Variants in UBXN7 observed in about 807,000 individuals in gnomAD.
UBXN7 encodes UBX domain-containing protein 7.
Under a neutral mutation model 58.0 loss-of-function variants are expected in UBXN7, and 9 were observed. That is an observed-to-expected ratio of 0.16 (90% confidence interval 0.09 to 0.27). The LOEUF is 0.27. Ranked by LOEUF, UBXN7 falls within the 10% of genes least tolerant of loss-of-function variation. The pLI is 1.00. For missense variants in UBXN7, 328 were observed against 599.6 expected, an observed-to-expected ratio of 0.55 and a Z score of 4.73; for synonymous variants, 208 against 205.0, an observed-to-expected ratio of 1.01 and a Z score of -0.12.
At chr3:196,404,314 G>A (rs1730090343) in intron 2 of UBXN7, among the ~76,000 whole-genome samples, 1 of 148,368 alleles carries the variant, frequency 6.7e-6, no homozygotes, top group Non-Finnish European at 1.5e-5. Flanking sequence ...CCAGGCTGGA[G>A]TGCAGTGGTA....
At chr3:196,356,972 T>G in intron 10 of UBXN7, 126 bp from the exon 11 acceptor site, 1 of 1,259,038 alleles carries the variant, frequency 7.9e-7, no homozygotes. Flanking sequence ...AGTTCTTCTT[T>G]CATATAACCA....
intron 5 of UBXN7, among the ~76,000 whole-genome samples, chr3:196,381,838 C>T (rs929321939): frequency 7.2e-5 from 11 of 152,230 alleles, no homozygotes; most frequent in East Asian, 1.9e-4. Context: ...AACTTCGTGA[C>T]GCTTGCATAA....
intron 7 of UBXN7, among the ~76,000 whole-genome samples, chr3:196,368,577 T>C (rs1321566283): frequency 6.6e-6 from 1 of 152,220 alleles, no homozygotes; most frequent in East Asian, 1.9e-4. Flanking sequence ...TTATGCTACA[T>C]AGTGTCTTCA....
intron 4 of UBXN7, among the ~76,000 whole-genome samples, 179 bp downstream of exon 4, chr3:196,393,375 C>CAAAT (rs1729643620): frequency 6.6e-6 from 1 of 152,084 alleles, no homozygotes; most frequent in African/African-American, 2.4e-5. Flanking sequence ...TTTCTATAAC[C>CAAAT]AAATAGGTTA....
chr3:196,422,429 A>G (rs1264254174), intron 1 of UBXN7, among the ~76,000 whole-genome samples: 1 of 151,930 alleles, frequency 6.6e-6, no homozygotes. Context: ...GCAGTGAGCT[A>G]TGATAACACG....
rs1275285632 is a variant in UBXN7, at chr3:196,350,721, T to C, written c.*5964A>G. The C allele has an allele frequency of 6.6e-6, 1 of 152,188 alleles. No homozygotes were observed. Among genetic ancestry groups the C allele is most frequent in the Non-Finnish European group, 1.5e-5 (1 of 68,020 alleles). The allele number at this position is 152,188 out of a possible 1,614,324, so 9.4% of individuals were successfully genotyped here. A position where few individuals can be genotyped will look rare whatever the true frequency, so the allele number is the denominator to read the frequency against. On this transcript the variant is annotated 3_prime_UTR_variant, in exon 11 of 11. Transcript: ENST00000296328. ...ACAGGTGAGTCAAAAACCATAACCA[T>C]CACTGAAATACCAAATCTCTATGTA...
At chr3:196,368,400 A>G (rs1200124558) in intron 7 of UBXN7, among the ~76,000 whole-genome samples, 1 of 152,166 alleles carries the variant, frequency 6.6e-6, no homozygotes, top group Non-Finnish European at 1.5e-5. Context: ...TATAAAGGTA[A>G]TATCTAGAAT....
Position 196,353,475 on chromosome 3 carries a change from C to CTAGTT in UBXN7, c.*3209_*3210insAACTA. 6.7e-6 allele frequency: 1 copy of CTAGTT among 149,874 alleles called. No homozygotes were observed. Among genetic ancestry groups the CTAGTT allele is most frequent in the South Asian group, 2.1e-4 (1 of 4,672 alleles). 9.3% of individuals were successfully genotyped at this position (149,874 alleles called of 1,614,324 possible). A position where few individuals can be genotyped will look rare whatever the true frequency, so the allele number is the denominator to read the frequency against. On this transcript the variant is annotated 3_prime_UTR_variant, in exon 11 of 11. Coordinates refer to ENST00000296328, the MANE Select transcript of UBXN7 (RefSeq NM_015562.2). ...CTCTCACTTTTTTCCCACTAGTTTT[C>CTAGTT]TTCTTCTTCTTCTTTTTTTTTTTTA...
At chr3:196,399,268 A>T (rs1277825479) in intron 3 of UBXN7, among the ~76,000 whole-genome samples, 1 of 152,188 alleles carries the variant, frequency 6.6e-6, no homozygotes, top group Non-Finnish European at 1.5e-5. Context: ...TTATTGCTTC[A>T]TCAAGAACAT....
intron 10 of UBXN7, among the ~76,000 whole-genome samples, chr3:196,358,679 T>C (rs1728418804): frequency 6.6e-6 from 1 of 152,094 alleles, no homozygotes; most frequent in South Asian, 2.1e-4. Flanking sequence ...AGGCAGAGGT[T>C]GCAGTGAGCT....
At chr3:196,421,752 G>C (rs561909820) in intron 1 of UBXN7, among the ~76,000 whole-genome samples, 1 of 151,714 alleles carries the variant, frequency 6.6e-6, no homozygotes, top group Non-Finnish European at 1.5e-5. Flanking sequence ...ACTCCACCCT[G>C]GCAACAAAGC....
intron 2 of UBXN7, among the ~76,000 whole-genome samples, chr3:196,403,668 T>C (rs1023170569): frequency 1.3e-5 from 2 of 152,064 alleles, no homozygotes; most frequent in African/African-American, 2.4e-5. Context: ...ATAGAAGCAA[T>C]ATCACATTAC....
At chr3:196,357,310 G>A (rs1728376105) in intron 10 of UBXN7, among the ~76,000 whole-genome samples, 1 of 151,992 alleles carries the variant, frequency 6.6e-6, no homozygotes, top group South Asian at 2.1e-4. Flanking sequence ...CTCCCTCTCT[G>A]CTTCCCATCA....
chr3:196,431,857 G>A (rs1731065289), intron 1 of UBXN7: 1 of 377,600 alleles, frequency 2.6e-6, no homozygotes, highest in South Asian at 1.9e-5. Context: ...CCCAGAAAGG[G>A]GAAGGGCAGG....
intron 10 of UBXN7, among the ~76,000 whole-genome samples, chr3:196,358,398 C>G (rs1728411084): frequency 6.6e-6 from 1 of 152,168 alleles, no homozygotes; most frequent in African/African-American, 2.4e-5. Flanking sequence ...CTGGAACATA[C>G]CTTACGTGGC....
chr3:196,385,440 G>A (rs1270652750), intron 5 of UBXN7, among the ~76,000 whole-genome samples: 1 of 152,004 alleles, frequency 6.6e-6, no homozygotes, highest in African/African-American at 2.4e-5. Flanking sequence ...TAGGAAGTGA[G>A]GAGCGCCTCT....
At chr3:196,383,736 G>C (rs148486211) in intron 5 of UBXN7, among the ~76,000 whole-genome samples, 100 of 152,306 alleles carry the variant, frequency 6.6e-4, no homozygotes, top group African/African-American at 2.2e-3. Flanking sequence ...AAATAATGAT[G>C]TTCTTTGAAA....
At chr3:196,402,639 G>A (rs1355818524) in intron 3 of UBXN7, among the ~76,000 whole-genome samples, 1 of 152,154 alleles carries the variant, frequency 6.6e-6, no homozygotes, top group Non-Finnish European at 1.5e-5. Flanking sequence ...TAGAGAGTAA[G>A]GATATGGCAG....
At chr3:196,372,178 AT>A in intron 5 of UBXN7, 136 bp from the exon 6 acceptor site, 1 of 896,408 alleles carries the variant, frequency 1.1e-6, no homozygotes, top group Non-Finnish European at 1.6e-6. Context: ...AGTTTTCAGC[AT>A]TTATACATTC....
Sources: gnomAD v4.1 joint callset for allele counts (sites outside exome capture counted in the v4.1 genomes callset) on GRCh38, gnomAD v4.1.1 for gene constraint, MANE v1.5 for transcripts, NCBI Gene and HGNC (gene_info 2026-07-23, HGNC 2026-07-21) for gene names.